NF2: variants seen among roughly 807,000 people sequenced by gnomAD.
NF2 encodes the protein merlin.
A neutral mutation model predicts 83.7 loss-of-function variants in NF2; 8 were observed. The observed-to-expected ratio is 0.10, with a 90% CI of 0.06 to 0.17. The LOEUF (loss-of-function observed/expected upper bound fraction) is 0.17. NF2 is among the 10% of genes least tolerant of loss of function. The probability of loss-of-function intolerance (pLI) is 1.00; values close to 1 mark genes in which losing one functional copy is unlikely to be tolerated. For missense variants in NF2, 533 were observed against 744.4 expected (o/e 0.72, Z 3.31); for synonymous variants, 266 against 269.6 (o/e 0.99, Z 0.13).
intron 1 of NF2, among the ~76,000 whole-genome samples, chr22:29,623,736 T>A (rs1053026690): frequency 1.3e-5 from 2 of 152,166 alleles, no homozygotes; most frequent in African/African-American, 4.8e-5. Context: ...GGTTCCTGCA[T>A]CGTTTTACTT....
chr22:29,621,104 A>G (rs73159061), intron 1 of NF2, among the ~76,000 whole-genome samples: 2,712 of 152,290 alleles, frequency 0.018, 34 homozygotes, highest in Non-Finnish European at 0.027. Flanking sequence ...CCTTTAACTT[A>G]ATATCGACCA....
At chr22:29,686,983 C>T (rs1486506753) in intron 15 of NF2, among the ~76,000 whole-genome samples, 2 of 152,172 alleles carry the variant, frequency 1.3e-5, no homozygotes, top group Admixed American at 1.3e-4. Context: ...TTCAGAGCCA[C>T]AGTGCCAATG....
chr22:29,629,143 G>A (rs1163041276), intron 1 of NF2, among the ~76,000 whole-genome samples: 1 of 152,044 alleles, frequency 6.6e-6, no homozygotes, highest in Non-Finnish European at 1.5e-5. Flanking sequence ...CTGAGGTGTG[G>A]TGTATCCTTT....
chr22:29,688,465 AGTCT>A (rs1284150806), intron 15 of NF2, among the ~76,000 whole-genome samples: 2 of 152,238 alleles, frequency 1.3e-5, no homozygotes, highest in Non-Finnish European at 2.9e-5. Flanking sequence ...AAATGACATC[AGTCT>A]ATCTGGACCT....
chr22:29,679,110 G>T (rs1245316951), intron 14 of NF2, among the ~76,000 whole-genome samples: 1 of 152,200 alleles, frequency 6.6e-6, no homozygotes, highest in Admixed American at 6.5e-5. Context: ...GACATCAAAG[G>T]TAGGTTTTCA....
intron 5 of NF2, 63 bp downstream of exon 5, chr22:29,654,788 C>T (rs1157071720): frequency 7.9e-7 from 1 of 1,269,698 alleles, no homozygotes; most frequent in African/African-American, 1.5e-5. Flanking sequence ...AGAAAGCTAA[C>T]CAAAGGACTT....
intron 1 of NF2, among the ~76,000 whole-genome samples, chr22:29,606,068 C>T (rs1178600393): frequency 6.6e-6 from 1 of 152,240 alleles, no homozygotes; most frequent in Non-Finnish European, 1.5e-5. Context: ...GATTCTCCCA[C>T]ATCAGCCTCC....
intron 13 of NF2, among the ~76,000 whole-genome samples, chr22:29,675,477 A>AT (rs111997472): frequency 0.2 from 28,480 of 144,622 alleles, 3,340 homozygotes; most frequent in Non-Finnish European, 0.27. Context: ...TCAGTTTGGC[A>AT]TTTTTTTTTT....
At chr22:29,616,635 G>C (rs1004367542) in intron 1 of NF2, among the ~76,000 whole-genome samples, 4 of 152,018 alleles carry the variant, frequency 2.6e-5, no homozygotes, top group African/African-American at 7.2e-5. Context: ...CCAGCTACTC[G>C]GGAGGCTGAG....
chr22:29,681,108 C>T (rs2067120478), intron 14 of NF2, among the ~76,000 whole-genome samples: 1 of 150,858 alleles, frequency 6.6e-6, no homozygotes, highest in South Asian at 2.1e-4. Flanking sequence ...CCAAGCTGGT[C>T]TCCAACTCCT....
chr22:29,675,016 T>C (rs2066918559), intron 13 of NF2, 75 bp downstream of exon 13: 2 of 1,297,534 alleles, frequency 1.5e-6, no homozygotes, highest in Non-Finnish European at 2.2e-6. Flanking sequence ...CTTCAGTTCA[T>C]CTGGCGGTGC....
intron 1 of NF2, among the ~76,000 whole-genome samples, chr22:29,626,395 AC>A (rs1438056635): frequency 6.6e-6 from 1 of 151,294 alleles, no homozygotes; most frequent in Non-Finnish European, 1.5e-5. Flanking sequence ...CTCGTGATCC[AC>A]CCGCTTCGGT....
At chr22:29,622,953 C>CTTT (rs779748755) in intron 1 of NF2, among the ~76,000 whole-genome samples, 15 of 94,704 alleles carry the variant, frequency 1.6e-4, no homozygotes, top group African/African-American at 2.8e-4. Flanking sequence ...CGTGCCCGGC[C>CTTT]TTTTTTTTTT....
intron 9 of NF2, 147 bp from the exon 10 acceptor site, chr22:29,668,186 A>G: frequency 1.5e-6 from 1 of 658,174 alleles, no homozygotes; most frequent in South Asian, 1.5e-5. Context: ...AGAGGCCACT[A>G]GTAGGGCTTT....
chr22:29,679,434 C>G (rs2067063566), intron 14 of NF2, among the ~76,000 whole-genome samples: 1 of 152,192 alleles, frequency 6.6e-6, no homozygotes, highest in South Asian at 2.1e-4. Context: ...CAGACATATA[C>G]ATTTATGTGG....
chr22:29,692,116 TC>T (rs1471998648), intron 15 of NF2, among the ~76,000 whole-genome samples: 1 of 152,098 alleles, frequency 6.6e-6, no homozygotes, highest in Non-Finnish European at 1.5e-5. Flanking sequence ...GGCCGAAGGC[TC>T]CCAGGGCCCT....
At chr22:29,672,643 T>C (rs757640457) in intron 11 of NF2, among the ~76,000 whole-genome samples, 6 of 149,592 alleles carry the variant, frequency 4.0e-5, no homozygotes, top group Non-Finnish European at 8.9e-5. Flanking sequence ...GAGATGGAGT[T>C]TCACTCTTGT....
chr22:29,698,397 G>A lies in NF2; in HGVS notation c.*3595G>A, dbSNP rs2067612537. The A allele has an allele frequency of 4.5e-6, 1 of 220,434 alleles. No individual in the cohort carries two copies. The allele number at this position is 220,434 out of a possible 1,614,324, so 13.7% of individuals were successfully genotyped here. On this transcript the variant is annotated 3_prime_UTR_variant, in exon 16 of 16. Transcript: ENST00000338641. ...GCAGCGTTGGCAGGGAGACAGCCTG[G>A]CCCAGTGACCCTGGGCCCAAGCCAG... is the stretch of plus-strand genomic sequence containing the variant.
chr22:29,670,259 A>G (rs963180990), intron 10 of NF2, among the ~76,000 whole-genome samples: 25 of 151,984 alleles, frequency 1.6e-4, no homozygotes, highest in Admixed American at 7.2e-4. Context: ...CAGCCCCCCA[A>G]AGTGCTAGGG....
Sources: allele counts gnomAD v4.1 joint callset (sites outside exome capture counted in the v4.1 genomes callset), GRCh38; gene constraint gnomAD v4.1.1; transcripts MANE v1.5; gene names NCBI Gene and HGNC (gene_info 2026-07-23, HGNC 2026-07-21).